ABI1: variants seen among roughly 807,000 people sequenced by gnomAD.
The protein encoded by ABI1 is Abelson interactor 1.
A neutral mutation model predicts 54.6 loss-of-function variants in ABI1; 14 were observed. The observed-to-expected ratio is 0.26, with a 90% CI of 0.17 to 0.40. ABI1 has a LOEUF of 0.40. Ranked by LOEUF, ABI1 falls within the 10% of genes least tolerant of loss-of-function variation. The pLI is 1.00. For synonymous variants in ABI1, 194 were observed against 209.3 expected (o/e 0.93, Z 0.63); for missense variants, 443 against 598.3 (o/e 0.74, Z 2.71).
chr10:26,838,210 G>A (rs141994615), intron 1 of ABI1, among the ~76,000 whole-genome samples: 2,203 of 151,914 alleles, frequency 0.015, 53 homozygotes, highest in African/African-American at 0.051. Context: ...TTTTAGTAGA[G>A]ACAGGGTTTC....
At chr10:26,780,952 T>C (rs541245095) in intron 2 of ABI1, among the ~76,000 whole-genome samples, 10 of 152,242 alleles carry the variant, frequency 6.6e-5, no homozygotes, top group Admixed American at 5.9e-4. Flanking sequence ...TCTGAGTGTA[T>C]AGTGGTATTG....
chr10:26,828,653 C>T (rs1004315503), intron 1 of ABI1, among the ~76,000 whole-genome samples: 3 of 152,154 alleles, frequency 2.0e-5, no homozygotes, highest in Non-Finnish European at 2.9e-5. Flanking sequence ...CTACAAGTGG[C>T]TTCAAAGCAC....
intron 2 of ABI1, chr10:26,788,971 C>T (rs888843351): frequency 1.4e-5 from 2 of 141,450 alleles, no homozygotes; most frequent in South Asian, 2.2e-4. Flanking sequence ...CTGATTCCAA[C>T]GTAAACAAAT....
intron 1 of ABI1, chr10:26,839,877 C>A (rs1192394271): frequency 1.8e-5 from 12 of 658,186 alleles, no homozygotes; most frequent in Non-Finnish European, 3.0e-5. Context: ...GTAGTCCCAA[C>A]AACTTGGAAG....
At chr10:26,853,442 CAAG>C (rs1443089128) in intron 1 of ABI1, among the ~76,000 whole-genome samples, 1 of 150,676 alleles carries the variant, frequency 6.6e-6, no homozygotes, top group Admixed American at 6.6e-5. Context: ...ACAATCAACA[CAAG>C]ATGATATTAG....
chr10:26,801,361 A>T (rs1309730225), intron 2 of ABI1, among the ~76,000 whole-genome samples: 1 of 152,134 alleles, frequency 6.6e-6, no homozygotes, highest in East Asian at 1.9e-4. Context: ...AGCCTGGGCA[A>T]TATGGCAAAA....
intron 1 of ABI1, among the ~76,000 whole-genome samples, chr10:26,854,720 C>T (rs1485912774): frequency 6.6e-6 from 1 of 152,200 alleles, no homozygotes; most frequent in Non-Finnish European, 1.5e-5. Context: ...CTAACCATTC[C>T]AGTCTATCCT....
intron 1 of ABI1, among the ~76,000 whole-genome samples, chr10:26,844,823 C>T (rs1291496915): frequency 1.3e-5 from 2 of 152,212 alleles, no homozygotes; most frequent in Non-Finnish European, 2.9e-5. Flanking sequence ...TTCACCAAGG[C>T]TTGCTGATTC....
At chr10:26,840,034 A>G (rs2049379581) in intron 1 of ABI1, among the ~76,000 whole-genome samples, 1 of 152,100 alleles carries the variant, frequency 6.6e-6, no homozygotes, top group Non-Finnish European at 1.5e-5. Flanking sequence ...TCAAGATTCT[A>G]TGAATACTAG....
Position 26,759,148 on chromosome 10 carries a change from C to G in ABI1, c.911G>C (p.Gly304Ala), listed in dbSNP as rs2306236. The change falls in exon 8 of 11, where the codon GGT becomes GCT. Residue 304 changes from glycine to alanine, a missense_variant. Gly to Ala is a moderately conservative substitution (Grantham distance 60). Around this residue, in one of 2 missense-constraint regions of ABI1, gnomAD observed 394 missense variants for 484.8 expected, o/e 0.81. Transcript: ENST00000376140. The stretch of plus-strand genomic sequence containing the variant: ...CACAGAGGGAGTTCGTCTGTATCCA[C>G]CAGAAGATGTCGAAGAAGTAGTAGA... ...HNSTTSSTSS[G>A]GYRRTPSVTA... 2.3e-4 allele frequency: 364 copies of G among 1,614,044 alleles called. 4 individuals carry two copies. The East Asian group carries it at 8.0e-3, about 36-fold the overall frequency.
At chr10:26,786,901 CTCAGA>C (rs1268928333) in intron 2 of ABI1, among the ~76,000 whole-genome samples, 1 of 152,236 alleles carries the variant, frequency 6.6e-6, no homozygotes, top group Non-Finnish European at 1.5e-5. Flanking sequence ...CTGACATTCT[CTCAGA>C]TATTTCAATG....
chr10:26,773,179 T>G (rs1469097233), intron 3 of ABI1, among the ~76,000 whole-genome samples: 1 of 149,768 alleles, frequency 6.7e-6, no homozygotes, highest in African/African-American at 2.5e-5. Context: ...CATCATAGTT[T>G]TGTATGTCAT....
intron 1 of ABI1, among the ~76,000 whole-genome samples, chr10:26,852,559 C>A (rs1376929246): frequency 1.3e-5 from 2 of 152,108 alleles, no homozygotes; most frequent in African/African-American, 4.8e-5. Context: ...ACATCTTTTT[C>A]TATATGATAT....
chr10:26,826,543 A>G (rs2048315752), intron 1 of ABI1, among the ~76,000 whole-genome samples: 1 of 152,232 alleles, frequency 6.6e-6, no homozygotes, highest in South Asian at 2.1e-4. Context: ...CAAGAGAGTC[A>G]GCCTAGCCTT....
intron 2 of ABI1, among the ~76,000 whole-genome samples, chr10:26,798,941 T>C (rs967876086): frequency 5.3e-5 from 8 of 151,996 alleles, no homozygotes; most frequent in African/African-American, 1.9e-4. Context: ...TGTACACATG[T>C]AACAAATCTC....
At chr10:26,816,923 T>C (rs2047600797) in intron 2 of ABI1, among the ~76,000 whole-genome samples, 3 of 152,106 alleles carry the variant, frequency 2.0e-5, no homozygotes, top group African/African-American at 7.2e-5. Context: ...TTATAATCCA[T>C]GTATAAGAAT....
chr10:26,806,391 T>C (rs1468453532), intron 2 of ABI1, among the ~76,000 whole-genome samples: 2 of 152,172 alleles, frequency 1.3e-5, no homozygotes, highest in Non-Finnish European at 2.9e-5. Flanking sequence ...TTTTTCCAAA[T>C]TGATGCTCCA....
chr10:26,768,978 T>A lies in ABI1; in HGVS notation c.593A>T (p.Tyr198Phe). ...GGGTTTAACAGGTTCCAGGGTTTTA[T>A]AAGGAGTATTCCGTCTAAAGGAGCA... ...GRGTLGRNTP[Y>F]KTLEPVKPPT... The change falls in exon 6 of 11, where the codon TAT becomes TTT. Residue 198 changes from tyrosine to phenylalanine, a missense_variant. Around this residue, in one of 2 missense-constraint regions of ABI1, gnomAD observed 394 missense variants for 484.8 expected, o/e 0.81. Coordinates refer to ENST00000376140, the MANE Select transcript of ABI1 (RefSeq NM_001012750.3). 6.2e-7 allele frequency: 1 copy of A among 1,611,238 alleles called. No homozygotes were observed. Among genetic ancestry groups the A allele is most frequent in the Non-Finnish European group, 8.5e-7 (1 of 1,178,532 alleles).
At chr10:26,819,903 A>C (rs1409495538) in intron 2 of ABI1, among the ~76,000 whole-genome samples, 1 of 152,224 alleles carries the variant, frequency 6.6e-6, no homozygotes, top group Non-Finnish European at 1.5e-5. Flanking sequence ...GTAGGACCTT[A>C]CAGTAAGTGA....
Sources: gnomAD v4.1 joint callset for allele counts (sites outside exome capture counted in the v4.1 genomes callset) on GRCh38, gnomAD v4.1.1 for gene constraint, gnomAD v4.1.1 regional missense constraint, MANE v1.5 for transcripts, NCBI Gene and HGNC (gene_info 2026-07-23, HGNC 2026-07-21) for gene names.